CMYA5: variants seen among roughly 807,000 people sequenced by gnomAD.
The protein encoded by CMYA5 is cardiomyopathy associated 5.
In CMYA5, 246 loss-of-function variants were observed where a neutral mutation model predicts 318.9. That is an observed-to-expected ratio of 0.77 (90% CI 0.70 to 0.86). CMYA5 has a LOEUF of 0.86. Among genes scored for constraint, CMYA5 ranks in the 40% least tolerant of loss-of-function variants. CMYA5 has a pLI of 0.00. For missense variants in CMYA5, 4,589 were observed against 4,678.2 expected, an observed-to-expected ratio of 0.98 and a Z score of 0.56; for synonymous variants, 1,641 against 1,729.5, an observed-to-expected ratio of 0.95 and a Z score of 1.27.
intron 12 of CMYA5, 123 bp downstream of exon 12, chr5:79,793,733 A>G (rs2151101400): frequency 1.2e-6 from 1 of 831,824 alleles, no homozygotes; most frequent in South Asian, 2.0e-5. Flanking sequence ...CCAACTAAGA[A>G]AGAAAACAAG....
In CMYA5 at chr5:79,689,963, ACGAGGAGGCGAC is replaced by A. The variant is rs1561622824; in HGVS notation, c.58_69del (p.Glu20_Thr23del). ...GAGAGCTTTCTCGGCTCCGACGGGGACGAGGAGGCGACCCGGGAGCTGGAGACCGAGGAGGAG... is the reference window on the plus strand; with the variant it reads ...GAGAGCTTTCTCGGCTCCGACGGGGACCGGGAGCTGGAGACCGAGGAGGAG... On this transcript the variant is annotated inframe_deletion, in exon 1 of 13. Transcript: ENST00000446378. 7.5e-6 allele frequency: 9 copies of A among 1,201,428 alleles called. No individual in the cohort carries two copies. In the Admixed American group the frequency reaches 1.4e-4, roughly 19 times the overall value. The allele number at this position is 1,201,428 out of a possible 1,614,324, so 74.4% of individuals were successfully genotyped here.
chr5:79,734,768 G>C lies in CMYA5; in HGVS notation c.6003G>C (p.Glu2001Asp). ...CTTTAGTCCTAGCTGGAAATGTAGA[G>C]AGAAACATAGCAGAGGGGAAGGAGA... ...PKSLVLAGNVERNIAEGKEIH... is the reference protein window; with the variant it reads ...PKSLVLAGNVDRNIAEGKEIH... The change falls in exon 2 of 13, where the codon GAG becomes GAC. Residue 2001 changes from glutamate to aspartate, a missense_variant. Coordinates refer to ENST00000446378, the MANE Select transcript of CMYA5 (RefSeq NM_153610.5). The C allele has an allele frequency of 6.2e-7, 1 of 1,613,850 alleles. No homozygotes were observed. Among genetic ancestry groups the C allele is most frequent in the Non-Finnish European group, 8.5e-7 (1 of 1,179,826 alleles).
chr5:79,704,228 G>A (rs551791562), intron 1 of CMYA5, among the ~76,000 whole-genome samples: 11 of 152,018 alleles, frequency 7.2e-5, no homozygotes, highest in South Asian at 4.2e-4. Context: ...GGTATTTAAT[G>A]CTAAATAAAA....
chr5:79,698,313 A>G (rs920180284), intron 1 of CMYA5, among the ~76,000 whole-genome samples: 22 of 106,282 alleles, frequency 2.1e-4, no homozygotes, highest in African/African-American at 1.7e-3. Context: ...ACAAAAAACA[A>G]AAACAAAAAA....
At chr5:79,698,985 C>G (rs1827124755) in intron 1 of CMYA5, among the ~76,000 whole-genome samples, 2 of 152,040 alleles carry the variant, frequency 1.3e-5, no homozygotes, top group Non-Finnish European at 2.9e-5. Flanking sequence ...CGGTGAAACC[C>G]CATGTCTACT....
chr5:79,748,569 G>A (rs1011755655), intron 5 of CMYA5, among the ~76,000 whole-genome samples: 15 of 150,742 alleles, frequency 1.0e-4, no homozygotes, highest in African/African-American at 3.7e-4. Flanking sequence ...TTGAGCCAGG[G>A]TCTCACTCTG....
chr5:79,734,577 C>T lies in CMYA5; in HGVS notation c.5812C>T (p.His1938Tyr). 1 of 1,613,854 alleles carries T rather than the reference C, an allele frequency of 6.2e-7. No individual in the cohort carries two copies. The highest frequency in any genetic ancestry group is 2.2e-5 in the East Asian group (1 of 44,874). ...QLKAAVSSKD[H>Y]TCEVRKQVLP... is the part of the protein sequence containing the mutation. ...CAAGGCTGCTGTGTCCAGTAAGGAC[C>T]ATACATGTGAAGTGAGAAAGCAGGT... Residue 1938 changes from histidine (H) to tyrosine (Y), a missense_variant, in exon 2 of 13, where the codon CAT becomes TAT. His to Tyr is a moderately conservative substitution (Grantham distance 83). Around this residue, in one of 3 missense-constraint regions of CMYA5, gnomAD observed 2,431 missense variants for 2,495.1 expected, o/e 0.97. Coordinates refer to ENST00000446378, the MANE Select transcript of CMYA5 (RefSeq NM_153610.5).
At position 79,731,684 on chromosome 5, in the gene CMYA5, T is replaced by C; in HGVS notation, c.2919T>C (p.Asp973=). The change falls in exon 2 of 13, where the codon GAT becomes GAC. Residue 973 remains aspartate (D), a synonymous_variant. Transcript: ENST00000446378. The part of the protein sequence containing the change: ...QEAEKREFEC[D]SPICLTSPSE... ...CAGAGAAAAGAGAATTTGAGTGCGA[T>C]TCTCCAATATGTTTAACATCACCAT... 6.2e-7 allele frequency: 1 copy of C among 1,613,962 alleles called. No homozygotes were observed. The highest frequency in any genetic ancestry group is 1.1e-5 in the South Asian group (1 of 91,078).
intron 9 of CMYA5, among the ~76,000 whole-genome samples, chr5:79,776,574 T>TA (rs1409472563): frequency 6.6e-6 from 1 of 152,110 alleles, no homozygotes; most frequent in East Asian, 1.9e-4. Flanking sequence ...CCGGGATGCT[T>TA]ACTAAACACC....
At position 79,730,595 on chromosome 5, in the gene CMYA5, G is replaced by T; in HGVS notation, c.1830G>T (p.Glu610Asp). 1 of 1,614,030 alleles carries T rather than the reference G, an allele frequency of 6.2e-7. No homozygotes were observed. The highest frequency in any genetic ancestry group is 2.2e-5 in the East Asian group (1 of 44,894). Residue 610 changes from glutamate (E) to aspartate (D), a missense_variant, in exon 2 of 13, where the codon GAG becomes GAT. Glu to Asp is a conservative substitution (Grantham distance 45, BLOSUM62 2). Coordinates refer to ENST00000446378, the MANE Select transcript of CMYA5 (RefSeq NM_153610.5). ...VPQDLNHELQ[E>D]QEGEPVPPSN... is the part of the protein sequence containing the mutation. ...AGGATTTGAACCATGAATTACAGGA[G>T]CAAGAAGGTGAGCCAGTTCCCCCAT...
chr5:79,761,021 G>C (rs974195182), intron 7 of CMYA5, among the ~76,000 whole-genome samples: 5 of 152,052 alleles, frequency 3.3e-5, no homozygotes, highest in Admixed American at 1.3e-4. Context: ...AGAGTCATAA[G>C]GGGGGGAAAC....
rs768514178 is a variant in CMYA5, at chr5:79,731,048, G to A, written c.2283G>A (p.Lys761=). The change falls in exon 2 of 13, where the codon AAG becomes AAA. Residue 761 remains lysine (K), a synonymous_variant. Coordinates refer to ENST00000446378, the MANE Select transcript of CMYA5 (RefSeq NM_153610.5). ...EPSLSPSTTE[K]TSECQSPLPS... is the part of the protein sequence containing the mutation. Reference sequence around the variant, plus strand: ...CTCTCTCACCATCCACAACCGAAAAGACTTCTGAATGCCAGTCACCACTGC... The same window carrying A: ...CTCTCTCACCATCCACAACCGAAAAAACTTCTGAATGCCAGTCACCACTGC... 7.4e-6 allele frequency: 12 copies of A among 1,613,944 alleles called. No individual in the cohort carries two copies. The South Asian group carries it at 1.3e-4, about 18-fold the overall frequency.
At chr5:79,705,204 G>A (rs759777927) in intron 1 of CMYA5, among the ~76,000 whole-genome samples, 5 of 152,168 alleles carry the variant, frequency 3.3e-5, no homozygotes, top group African/African-American at 7.2e-5. Context: ...CCTGGGAAGC[G>A]GAGGCTGCAG....
chr5:79,761,667 G>T, intron 7 of CMYA5, 144 bp from the exon 8 acceptor site: 1 of 744,044 alleles, frequency 1.3e-6, no homozygotes, highest in South Asian at 2.3e-5. Context: ...GTATTCTAAG[G>T]AGCTGGTTTT....
chr5:79,774,698 G>T (rs1180011154), intron 9 of CMYA5, among the ~76,000 whole-genome samples: 2 of 152,170 alleles, frequency 1.3e-5, no homozygotes, highest in African/African-American at 4.8e-5. Flanking sequence ...TTGGGCTCAG[G>T]GTGCTGGGCC....
intron 9 of CMYA5, among the ~76,000 whole-genome samples, chr5:79,772,518 A>G (rs1166111549): frequency 6.6e-6 from 1 of 152,220 alleles, no homozygotes; most frequent in African/African-American, 2.4e-5. Context: ...GAGTCTGACA[A>G]TAGATAATTT....
At chr5:79,776,033 T>C (rs1387207796) in intron 9 of CMYA5, among the ~76,000 whole-genome samples, 1 of 152,196 alleles carries the variant, frequency 6.6e-6, no homozygotes, top group African/African-American at 2.4e-5. Flanking sequence ...TGTTTAATTA[T>C]AGGAAAGCCT....
intron 2 of CMYA5, among the ~76,000 whole-genome samples, chr5:79,742,256 C>T (rs1357295183): frequency 1.3e-5 from 2 of 151,186 alleles, no homozygotes; most frequent in African/African-American, 4.9e-5. Flanking sequence ...GCGGCGTGAT[C>T]ATCATAGCTC....
intron 1 of CMYA5, among the ~76,000 whole-genome samples, chr5:79,701,584 G>A (rs114575927): frequency 3.2e-4 from 48 of 152,222 alleles, no homozygotes; most frequent in African/African-American, 1.1e-3. Flanking sequence ...GAGAGGATGC[G>A]GAAGTATCAG....
Sources: gnomAD v4.1 joint callset for allele counts (sites outside exome capture counted in the v4.1 genomes callset) on GRCh38, gnomAD v4.1.1 for gene constraint, gnomAD v4.1.1 regional missense constraint, MANE v1.5 for transcripts, NCBI Gene and HGNC (gene_info 2026-07-23, HGNC 2026-07-21) for gene names.